NDRG3: variants seen among roughly 807,000 people sequenced by gnomAD.
NDRG3 encodes the protein NDRG family member 3, also known as protein NDRG3.
NDRG3 carries 23 observed loss-of-function variants against 57.2 expected under a neutral mutation model. The ratio of observed to expected loss-of-function variants is 0.40; its 90% confidence interval spans 0.29 to 0.57. NDRG3 has a LOEUF of 0.57. Ranked by LOEUF, NDRG3 falls within the 20% of genes least tolerant of loss-of-function variation. The probability of loss-of-function intolerance (pLI) is 0.42; values close to 1 mark genes in which losing one functional copy is unlikely to be tolerated. For missense variants in NDRG3, 384 were observed against 457.3 expected (o/e 0.84, Z 1.46); for synonymous variants, 132 against 162.6 (o/e 0.81, Z 1.43).
At chr20:36,664,395 C>T (rs1979443142) in intron 12 of NDRG3, among the ~76,000 whole-genome samples, 1 of 152,072 alleles carries the variant, frequency 6.6e-6, no homozygotes, top group Non-Finnish European at 1.5e-5. Flanking sequence ...CTATGTCCTT[C>T]AGAAGGAGGC....
rs775381613 is a variant in NDRG3 at position 36,653,666 on chromosome 20, G to A, written c.982C>T (p.Arg328Ter). ...SASMTRLARS[R>*]THSTSSSLGS... ...AGGCTACTCGAGGTTGAGTGGGTTCGTGATCGGGCGAGCCGAGTCATGCTG... is the reference window on the plus strand; with the variant it reads ...AGGCTACTCGAGGTTGAGTGGGTTCATGATCGGGCGAGCCGAGTCATGCTG... The change falls in exon 16 of 16, where the codon CGA becomes TGA. Residue 328 changes from arginine (R) to a stop codon, truncating the protein, a stop_gained. Transcript: ENST00000349004. LOFTEE classifies it high-confidence loss of function. The surrounding 1 kb of genome is among the most constrained non-coding windows in gnomAD (Gnocchi z 4.2). 7.4e-6 allele frequency: 12 copies of A among 1,613,974 alleles called. No homozygotes were observed. Among genetic ancestry groups the A allele is most frequent in the South Asian group, 4.4e-5 (4 of 91,076 alleles).
intron 2 of NDRG3, among the ~76,000 whole-genome samples, chr20:36,712,562 T>TATAC (rs1206804239): frequency 1.4e-4 from 2 of 14,750 alleles, no homozygotes; most frequent in Non-Finnish European, 3.7e-4. Flanking sequence ...TGCCCGGCTA[T>TATAC]ATATATATAT....
intron 1 of NDRG3, among the ~76,000 whole-genome samples, chr20:36,722,336 C>G (rs934596390): frequency 1.8e-4 from 28 of 152,154 alleles, no homozygotes; most frequent in African/African-American, 6.3e-4. Context: ...ACCTTGATCG[C>G]CATGTTGCAG....
At chr20:36,710,920 C>T (rs1224624049) in intron 2 of NDRG3, among the ~76,000 whole-genome samples, 1 of 151,560 alleles carries the variant, frequency 6.6e-6, no homozygotes, top group East Asian at 1.9e-4. Flanking sequence ...GTAGAGGTTG[C>T]AGTGGGCTGA....
intron 8 of NDRG3, among the ~76,000 whole-genome samples, chr20:36,676,660 G>A (rs1234913949): frequency 6.6e-6 from 1 of 152,150 alleles, no homozygotes; most frequent in East Asian, 1.9e-4. Context: ...ACGGGGTTTC[G>A]CCATGTTGGC....
intron 2 of NDRG3, among the ~76,000 whole-genome samples, chr20:36,712,585 ATATTT>A (rs1983980172): frequency 1.2e-4 from 1 of 8,486 alleles, no homozygotes; most frequent in African/African-American, 3.9e-4. Context: ...ATATATATAT[ATATTT>A]TTTTTTTTTT....
intron 1 of NDRG3, among the ~76,000 whole-genome samples, chr20:36,733,439 G>A (rs1409539888): frequency 1.3e-5 from 2 of 151,648 alleles, no homozygotes; most frequent in Non-Finnish European, 2.9e-5. Context: ...CAGAATGAAG[G>A]TATGGCCGGG....
intron 9 of NDRG3, among the ~76,000 whole-genome samples, chr20:36,669,967 A>G (rs974275992): frequency 6.6e-6 from 1 of 152,228 alleles, no homozygotes; most frequent in Non-Finnish European, 1.5e-5. Flanking sequence ...AACTACTGAC[A>G]CATGGAATGA....
intron 1 of NDRG3, among the ~76,000 whole-genome samples, chr20:36,725,600 TAAAAAAAAA>T (rs548128722): frequency 1.2e-5 from 1 of 82,434 alleles, no homozygotes; most frequent in Non-Finnish European, 2.4e-5. Context: ...AGACTCCGTC[TAAAAAAAAA>T]AAAAAAAAAG....
intron 1 of NDRG3, among the ~76,000 whole-genome samples, chr20:36,741,825 A>C (rs1402794876): frequency 6.6e-6 from 1 of 152,222 alleles, no homozygotes; most frequent in African/African-American, 2.4e-5. Flanking sequence ...AGAACTAATG[A>C]ATCAGAAACT....
intron 2 of NDRG3, among the ~76,000 whole-genome samples, chr20:36,716,880 G>A (rs1303216144): frequency 6.6e-6 from 1 of 152,158 alleles, no homozygotes; most frequent in Non-Finnish European, 1.5e-5. Context: ...CCAGGTCAAA[G>A]TCAAAAGATG....
intron 1 of NDRG3, among the ~76,000 whole-genome samples, chr20:36,726,331 C>A (rs1984932489): frequency 6.6e-6 from 1 of 152,174 alleles, no homozygotes; most frequent in South Asian, 2.1e-4. Flanking sequence ...AGGCCCAATG[C>A]AGGCTCAGGC....
chr20:36,666,505 C>A (rs1467531066), intron 9 of NDRG3, 113 bp from the exon 10 acceptor site: 2 of 734,564 alleles, frequency 2.7e-6, no homozygotes, highest in Non-Finnish European at 4.9e-6. Flanking sequence ...ATGATGGGAA[C>A]TGGGGCAGAG....
At chr20:36,703,267 A>T (rs75821716) in intron 3 of NDRG3, among the ~76,000 whole-genome samples, 4,279 of 152,174 alleles carry the variant, frequency 0.028, 239 homozygotes, top group African/African-American at 0.098. Flanking sequence ...CATGTATATT[A>T]GAGAGTGTTG....
intron 1 of NDRG3, among the ~76,000 whole-genome samples, chr20:36,724,451 C>T (rs905092219): frequency 6.6e-6 from 1 of 151,900 alleles, no homozygotes; most frequent in South Asian, 2.1e-4. Context: ...GGTGAGGTGG[C>T]TTGACTCTTA....
chr20:36,713,356 A>C (rs189433938), intron 2 of NDRG3, among the ~76,000 whole-genome samples: 5 of 152,310 alleles, frequency 3.3e-5, no homozygotes, highest in East Asian at 3.9e-4. Flanking sequence ...AAATTAAAGC[A>C]AGCAAGCCTC....
chr20:36,664,856 A>C (rs1443406495), intron 12 of NDRG3, among the ~76,000 whole-genome samples, 190 bp downstream of exon 12: 2 of 152,012 alleles, frequency 1.3e-5, no homozygotes, highest in African/African-American at 4.8e-5. Flanking sequence ...CAGCTAATTA[A>C]AAAAATATAT....
intron 3 of NDRG3, among the ~76,000 whole-genome samples, chr20:36,692,256 A>C (rs1406470191): frequency 1.3e-5 from 2 of 152,144 alleles, no homozygotes; most frequent in Non-Finnish European, 2.9e-5. Flanking sequence ...GTCTTACTCT[A>C]TCGCCCGCCC....
chr20:36,703,273 T>C (rs1308734467), intron 3 of NDRG3, among the ~76,000 whole-genome samples: 1 of 151,780 alleles, frequency 6.6e-6, no homozygotes, highest in Non-Finnish European at 1.5e-5. Flanking sequence ...TATTAGAGAG[T>C]GTTGGGACAG....
Sources: gnomAD v4.1 joint callset for allele counts (sites outside exome capture counted in the v4.1 genomes callset) on GRCh38, gnomAD v4.1.1 for gene constraint, Gnocchi (gnomAD v3.1) non-coding constraint, MANE v1.5 for transcripts, NCBI Gene and HGNC (gene_info 2026-07-23, HGNC 2026-07-21) for gene names.